The following SMYD3 variants were observed in gnomAD, a reference collection of about 807,000 sequenced individuals.
The protein encoded by SMYD3 is histone-lysine N-methyltransferase SMYD3.
In SMYD3, 36 loss-of-function variants were observed where a neutral mutation model predicts 57.7. The ratio of observed to expected loss-of-function variants is 0.62; its 90% CI spans 0.48 to 0.82. The LOEUF is 0.82. Ranked by LOEUF, SMYD3 falls within the 40% of genes least tolerant of loss-of-function variation. SMYD3 has a pLI of 0.00. For missense variants in SMYD3, 515 were observed against 538.8 expected, an observed-to-expected ratio of 0.96 and a Z score of 0.44; for synonymous variants, 211 against 195.0, an observed-to-expected ratio of 1.08 and a Z score of -0.68.
At chr1:246,068,517 G>A (rs2148374473) in intron 5 of SMYD3, among the ~76,000 whole-genome samples, 1 of 152,200 alleles carries the variant, frequency 6.6e-6, no homozygotes, top group Middle Eastern at 3.4e-3. Context: ...CAGGAGGGAG[G>A]CTATGACTGG....
At chr1:246,239,130 G>C (rs1322541906) in intron 5 of SMYD3, among the ~76,000 whole-genome samples, 1 of 152,052 alleles carries the variant, frequency 6.6e-6, no homozygotes, top group Non-Finnish European at 1.5e-5. Context: ...TAAGTTCTAA[G>C]GTACATGTGC....
At chr1:246,183,335 CA>C (rs144582412) in intron 5 of SMYD3, among the ~76,000 whole-genome samples, 3,474 of 151,880 alleles carry the variant, frequency 0.023, 206 homozygotes, top group East Asian at 0.22. Flanking sequence ...CATTTTCAAG[CA>C]CAAACCCTAA....
intron 8 of SMYD3, among the ~76,000 whole-genome samples, chr1:245,866,041 C>T (rs1360909323): frequency 6.6e-6 from 1 of 152,208 alleles, no homozygotes; most frequent in Non-Finnish European, 1.5e-5. Flanking sequence ...CTCTAGACAT[C>T]CCCCTGGAGA....
At chr1:246,347,945 GTC>G (rs955882529) in intron 2 of SMYD3, among the ~76,000 whole-genome samples, 1 of 151,454 alleles carries the variant, frequency 6.6e-6, no homozygotes, top group Non-Finnish European at 1.5e-5. Context: ...AGGAAGATAA[GTC>G]ATTCTACCAA....
At chr1:246,120,516 A>G (rs947986005) in intron 5 of SMYD3, among the ~76,000 whole-genome samples, 7 of 152,024 alleles carry the variant, frequency 4.6e-5, no homozygotes, top group Admixed American at 1.3e-4. Flanking sequence ...CTCCTTCCAC[A>G]GCATCCCATT....
At chr1:246,249,493 T>TGCGCC (rs1283077485) in intron 5 of SMYD3, among the ~76,000 whole-genome samples, 4 of 151,514 alleles carry the variant, frequency 2.6e-5, no homozygotes, top group African/African-American at 9.7e-5. Context: ...TTCACAAAAA[T>TGCGCC]GCACCCAGTA....
rs958081897 is a variant in SMYD3 at position 246,197,349 on chromosome 1, C to T, written c.531+129852G>A. 5.9e-5 allele frequency among the ~76,000 whole-genome samples: 9 copies of T among 151,934 alleles called. No homozygotes were observed. In the East Asian group the frequency reaches 1.2e-3, roughly 20 times the overall value. ...CTGCAGTGGCGAAGGCTGACAAACG[C>T]GACCTCAGCTAGGTGATCAAGGTCA... is the stretch of plus-strand genomic sequence containing the variant. On this transcript the variant is annotated intron_variant, in intron 5 of 11. Transcript: ENST00000490107.
At chr1:246,417,957 C>T (rs965167518) in intron 1 of SMYD3, among the ~76,000 whole-genome samples, 1 of 152,198 alleles carries the variant, frequency 6.6e-6, no homozygotes, top group Non-Finnish European at 1.5e-5. Flanking sequence ...AGATAGTCAG[C>T]TTCTGGGGTC....
In SMYD3 at chr1:246,009,648, G is replaced by A. The variant is rs565342663; in HGVS notation, c.532-79711C>T. Among the ~76,000 whole-genome samples, 7 of 152,068 alleles carry A rather than the reference G, an allele frequency of 4.6e-5. No homozygotes were observed. The East Asian group carries it at 7.8e-4, about 17-fold the overall frequency. Reference sequence around the variant, plus strand: ...TCCAACACTGCAGATGGCCAGAGCCGTAAGGCAAGTCTCTCCAATCAGGTC... The same window carrying A: ...TCCAACACTGCAGATGGCCAGAGCCATAAGGCAAGTCTCTCCAATCAGGTC... On this transcript the variant is annotated intron_variant, in intron 5 of 11. Transcript: ENST00000490107.
At chr1:245,913,346 A>G (rs1395421904) in intron 8 of SMYD3, among the ~76,000 whole-genome samples, 129 of 116,870 alleles carry the variant, frequency 1.1e-3, no homozygotes, top group Admixed American at 2.5e-3. Context: ...GGAACATCAC[A>G]CACCGGGGCC....
intron 5 of SMYD3, among the ~76,000 whole-genome samples, chr1:246,240,444 A>G (rs1251747995): frequency 6.6e-6 from 1 of 151,932 alleles, no homozygotes; most frequent in Non-Finnish European, 1.5e-5. Context: ...TGTTCCATTG[A>G]TCTATATCTC....
intron 5 of SMYD3, among the ~76,000 whole-genome samples, chr1:246,245,574 A>C (rs1313131122): frequency 6.6e-6 from 1 of 151,870 alleles, no homozygotes; most frequent in African/African-American, 2.4e-5. Context: ...AGAGAAATGA[A>C]ATAGAAATTT....
intron 5 of SMYD3, among the ~76,000 whole-genome samples, chr1:245,937,689 A>G (rs1203149812): frequency 6.6e-6 from 1 of 152,226 alleles, no homozygotes; most frequent in Non-Finnish European, 1.5e-5. Flanking sequence ...ATGTGCTCCT[A>G]CCCAAAAGGT....
chr1:246,136,341 G>A (rs1043126546), intron 5 of SMYD3, among the ~76,000 whole-genome samples: 5 of 152,288 alleles, frequency 3.3e-5, no homozygotes, highest in East Asian at 3.9e-4. Flanking sequence ...GGTCCATCAT[G>A]TTCAGATTTT....
intron 5 of SMYD3, among the ~76,000 whole-genome samples, chr1:246,076,975 G>C (rs2060560501): frequency 1.3e-5 from 2 of 152,192 alleles, no homozygotes; most frequent in African/African-American, 2.4e-5. Flanking sequence ...AATCTTTTCA[G>C]TTGGAGAATC....
chr1:245,889,532 C>T (rs2053265613), intron 8 of SMYD3, among the ~76,000 whole-genome samples: 1 of 152,150 alleles, frequency 6.6e-6, no homozygotes, highest in African/African-American at 2.4e-5. Context: ...ACCTCCAACA[C>T]CTACTGTAAT....
At chr1:245,993,591 T>TAGATAGATAGATAGACAGAC (rs1419707519) in intron 5 of SMYD3, among the ~76,000 whole-genome samples, 5 of 16,902 alleles carry the variant, frequency 3.0e-4, no homozygotes, top group Non-Finnish European at 2.0e-3. Context: ...GATAGATAGA[T>TAGATAGATAGATAGACAGAC]AGATAGATAG....
In SMYD3 at chr1:245,993,663, C is replaced by CAGAT. The variant is rs1414617467; in HGVS notation, c.532-63730_532-63727dup. 4.3e-3 allele frequency among the ~76,000 whole-genome samples: 536 copies of CAGAT among 123,518 alleles called. 17 individuals carry two copies. The highest frequency in any genetic ancestry group is 8.7e-3 in the South Asian group (29 of 3,340). The allele number at this position is 123,518 out of a possible 152,430, so 81.0% of individuals were successfully genotyped here. A position where few individuals can be genotyped will look rare whatever the true frequency, so the allele number is the denominator to read the frequency against. On this transcript the variant is annotated intron_variant, in intron 5 of 11. Coordinates refer to ENST00000490107, the MANE Select transcript of SMYD3 (RefSeq NM_001167740.2). ...ACAGACAGACAGACAGACAGACAGA[C>CAGAT]AGATATAGATTCCATTTACATGAGG...
At chr1:246,378,523 C>T (rs1055696512) in intron 1 of SMYD3, among the ~76,000 whole-genome samples, 12 of 150,068 alleles carry the variant, frequency 8.0e-5, no homozygotes, top group East Asian at 1.9e-4. Context: ...CCTTGAACAT[C>T]AGACTCCAAG....
Sources: gnomAD v4.1 joint callset for allele counts (sites outside exome capture counted in the v4.1 genomes callset) on GRCh38, gnomAD v4.1.1 for gene constraint, MANE v1.5 for transcripts, NCBI Gene and HGNC (gene_info 2026-07-23, HGNC 2026-07-21) for gene names.